RGS9: variants seen among roughly 807,000 people sequenced by gnomAD.
The protein encoded by RGS9 is regulator of G-protein signalling 9.
Under a neutral mutation model 102.0 loss-of-function variants are expected in RGS9, and 78 were observed. The ratio of observed to expected loss-of-function variants is 0.76; its 90% confidence interval spans 0.64 to 0.92. The LOEUF (loss-of-function observed/expected upper bound fraction) is 0.92. Ranked by LOEUF, RGS9 falls within the 40% of genes least tolerant of loss-of-function variation. The probability of loss-of-function intolerance (pLI) is 0.00; values close to 1 mark genes in which losing one functional copy is unlikely to be tolerated. For missense variants in RGS9, 833 were observed against 866.1 expected (o/e 0.96, Z 0.48); for synonymous variants, 353 against 318.6 (o/e 1.11, Z -1.15).
chr17:65,163,552 G>A (rs367701922), intron 7 of RGS9, among the ~76,000 whole-genome samples: 2 of 152,072 alleles, frequency 1.3e-5, no homozygotes, highest in African/African-American at 4.8e-5. Context: ...ACTGGGCTGC[G>A]CAGGGGGAAT....
intron 5 of RGS9, 64 bp downstream of exon 5, chr17:65,160,651 C>T (rs1910947920): frequency 1.9e-6 from 3 of 1,561,536 alleles, no homozygotes; most frequent in African/African-American, 1.4e-5. Context: ...TTACTTGCTG[C>T]ACTTTGGTGA....
At chr17:65,208,410 C>T (rs1913153470) in intron 16 of RGS9, among the ~76,000 whole-genome samples, 1 of 152,128 alleles carries the variant, frequency 6.6e-6, no homozygotes, top group African/African-American at 2.4e-5. Flanking sequence ...GCAGATTGCA[C>T]CCCAAGAGAA....
intron 17 of RGS9, among the ~76,000 whole-genome samples, chr17:65,222,108 C>T (rs1238835223): frequency 2.6e-5 from 4 of 152,234 alleles, no homozygotes; most frequent in Non-Finnish European, 5.9e-5. Flanking sequence ...TTCAGTTCCT[C>T]GTTTAAGACT....
intron 12 of RGS9, among the ~76,000 whole-genome samples, chr17:65,196,218 T>C (rs1333173419): frequency 6.6e-6 from 1 of 152,258 alleles, no homozygotes; most frequent in Non-Finnish European, 1.5e-5. Flanking sequence ...GCTTTGTGAA[T>C]GGCAGTTGTT....
intron 17 of RGS9, among the ~76,000 whole-genome samples, chr17:65,224,438 G>T (rs910854957): frequency 1.1e-4 from 17 of 152,148 alleles, no homozygotes; most frequent in African/African-American, 4.1e-4. Flanking sequence ...GAAGGTGCTG[G>T]GCCTAGACCA....
chr17:65,193,868 G>A lies in RGS9; in HGVS notation c.860+212G>A, dbSNP rs542048651. 3.3e-5 allele frequency among the ~76,000 whole-genome samples: 5 copies of A among 152,190 alleles called. No homozygotes were observed. In the East Asian group the frequency reaches 7.7e-4, roughly 24 times the overall value. On this transcript the variant is annotated intron_variant, in intron 12 of 18. Transcript: ENST00000262406. ...CTATGAATCTACTTTCTGTGTTTAC[G>A]GATTTGTCTGTCTGGACATTTCCTA...
At chr17:65,164,986 T>C (rs766297933) in intron 7 of RGS9, among the ~76,000 whole-genome samples, 8 of 152,120 alleles carry the variant, frequency 5.3e-5, no homozygotes, top group Admixed American at 1.3e-4. Flanking sequence ...TAATGGTAGA[T>C]CTTAGGCTGA....
intron 13 of RGS9, among the ~76,000 whole-genome samples, chr17:65,197,762 C>T (rs1912654330): frequency 6.6e-6 from 1 of 151,756 alleles, no homozygotes. Flanking sequence ...CTCCGCCTCC[C>T]TAGTTCAAGC....
rs554808532 is a variant in RGS9 at position 65,187,711 on chromosome 17, C to T, written c.655-1575C>T. 5.3e-5 allele frequency among the ~76,000 whole-genome samples: 8 copies of T among 152,256 alleles called. No homozygotes were observed. The East Asian group carries it at 9.7e-4, about 18-fold the overall frequency. On this transcript the variant is annotated intron_variant, in intron 9 of 18. Transcript: ENST00000262406. Reference sequence around the variant, plus strand: ...ACAAGGCAGGAATTAAGAGGGTCCGCGTGAGGCCGGGTGCGGTGGCTCACG... The same window carrying T: ...ACAAGGCAGGAATTAAGAGGGTCCGTGTGAGGCCGGGTGCGGTGGCTCACG...
chr17:65,188,149 A>G (rs996783777), intron 9 of RGS9, among the ~76,000 whole-genome samples: 1 of 152,024 alleles, frequency 6.6e-6, no homozygotes, highest in Non-Finnish European at 1.5e-5. Context: ...CATGGAGCAG[A>G]AAAGTGGTGC....
intron 4 of RGS9, 22 bp from the exon 5 acceptor site, chr17:65,160,514 G>T (rs1277911324): frequency 1.9e-6 from 3 of 1,614,162 alleles, no homozygotes; most frequent in African/African-American, 2.7e-5. Flanking sequence ...TTAAAGCGTG[G>T]TTTCCCTGGT....
intron 9 of RGS9, among the ~76,000 whole-genome samples, chr17:65,184,859 GTC>G (rs55810439): frequency 1.4e-4 from 20 of 138,232 alleles, no homozygotes; most frequent in South Asian, 2.3e-4. Flanking sequence ...CCTTCTCACT[GTC>G]TCTCTCTCTC....
chr17:65,204,316 G>A lies in RGS9; in HGVS notation c.1203+15G>A. ...TCATGAAGAAGGTAGGTGGGTCCGTGCTGTGGATACGGGGTCCAGATAGGC... is the reference window on the plus strand; with the variant it reads ...TCATGAAGAAGGTAGGTGGGTCCGTACTGTGGATACGGGGTCCAGATAGGC... On this transcript the variant is annotated intron_variant, in intron 15 of 18. Coordinates refer to ENST00000262406, the MANE Select transcript of RGS9 (RefSeq NM_003835.4). The A allele has an allele frequency of 6.2e-6, 10 of 1,613,604 alleles. No individual in the cohort carries two copies. The highest frequency in any genetic ancestry group is 8.5e-6 in the Non-Finnish European group (10 of 1,179,836).
At chr17:65,223,579 G>A (rs1393489611) in intron 17 of RGS9, among the ~76,000 whole-genome samples, 1 of 152,216 alleles carries the variant, frequency 6.6e-6, no homozygotes, top group Non-Finnish European at 1.5e-5. Context: ...TCAGGGACCA[G>A]GGCTACCTCC....
chr17:65,218,706 C>T (rs1003000347), intron 17 of RGS9, among the ~76,000 whole-genome samples: 1 of 152,230 alleles, frequency 6.6e-6, no homozygotes, highest in East Asian at 1.9e-4. Context: ...CTTGCTCACT[C>T]TCTTGCTTCT....
At chr17:65,159,980 A>G (rs1910914862) in intron 3 of RGS9, among the ~76,000 whole-genome samples, 1 of 152,140 alleles carries the variant, frequency 6.6e-6, no homozygotes, top group Non-Finnish European at 1.5e-5. Flanking sequence ...TAACATCCAG[A>G]TTTCCTAGTT....
At chr17:65,221,214 G>A (rs1200416773) in intron 17 of RGS9, among the ~76,000 whole-genome samples, 1 of 152,216 alleles carries the variant, frequency 6.6e-6, no homozygotes, top group Non-Finnish European at 1.5e-5. Context: ...TGCTAGGGGA[G>A]GAGTGGAGCC....
intron 3 of RGS9, among the ~76,000 whole-genome samples, chr17:65,159,833 G>A (rs1368252686): frequency 6.6e-6 from 1 of 152,158 alleles, no homozygotes; most frequent in Non-Finnish European, 1.5e-5. Context: ...TTCTTGGAGT[G>A]ACAAAGTGTC....
intron 15 of RGS9, among the ~76,000 whole-genome samples, chr17:65,207,597 A>G (rs56719687): frequency 0.028 from 4,281 of 152,314 alleles, 209 homozygotes; most frequent in African/African-American, 0.096. Context: ...CATAGGCTGA[A>G]TCACAGACAA....
Sources: gnomAD v4.1 joint callset for allele counts (sites outside exome capture counted in the v4.1 genomes callset) on GRCh38, gnomAD v4.1.1 for gene constraint, MANE v1.5 for transcripts, NCBI Gene and HGNC (gene_info 2026-07-23, HGNC 2026-07-21) for gene names.